The following ENPP6 variants were observed in gnomAD, a reference collection of about 807,000 sequenced individuals.
ENPP6 encodes glycerophosphocholine cholinephosphodiesterase ENPP6.
ENPP6 carries 32 observed loss-of-function variants against 42.0 expected under a neutral mutation model. The observed-to-expected ratio is 0.76, with a 90% confidence interval of 0.58 to 1.02. The LOEUF (loss-of-function observed/expected upper bound fraction) is 1.02, where lower values mean the gene tolerates loss of function less well. Among genes scored for constraint, ENPP6 ranks in the 50% least tolerant of loss-of-function variants. ENPP6 has a pLI of 0.00. For missense variants in ENPP6, 552 were observed against 566.8 expected, an observed-to-expected ratio of 0.97 and a Z score of 0.27; for synonymous variants, 213 against 216.0, an observed-to-expected ratio of 0.99 and a Z score of 0.12.
chr4:184,174,286 C>T (rs1258203506), intron 1 of ENPP6, among the ~76,000 whole-genome samples: 4 of 151,760 alleles, frequency 2.6e-5, no homozygotes, highest in Non-Finnish European at 4.4e-5. Flanking sequence ...TACAGGTGCC[C>T]GCCACCACGC....
intron 1 of ENPP6, among the ~76,000 whole-genome samples, chr4:184,212,388 A>C (rs1733126122): frequency 6.7e-6 from 1 of 149,756 alleles, no homozygotes; most frequent in South Asian, 2.1e-4. Context: ...AACTTCAGCA[A>C]AGTCTCAGGA....
intron 2 of ENPP6, among the ~76,000 whole-genome samples, chr4:184,125,124 A>T (rs1442439430): frequency 6.6e-6 from 1 of 152,090 alleles, no homozygotes; most frequent in Admixed American, 6.5e-5. Flanking sequence ...GTGGGAGGGG[A>T]CACAGGAAAG....
intron 2 of ENPP6, among the ~76,000 whole-genome samples, chr4:184,152,325 T>C (rs1737065437): frequency 6.6e-6 from 1 of 152,158 alleles, no homozygotes; most frequent in Non-Finnish European, 1.5e-5. Context: ...AAACTCCTGC[T>C]GAAGGCCCAC....
chr4:184,133,459 A>G (rs1451688134), intron 2 of ENPP6, among the ~76,000 whole-genome samples: 1 of 152,200 alleles, frequency 6.6e-6, no homozygotes, highest in Non-Finnish European at 1.5e-5. Flanking sequence ...TAATTTTTAA[A>G]TTTTGAATTT....
chr4:184,166,268 G>T (rs1230503953), intron 1 of ENPP6, among the ~76,000 whole-genome samples: 3 of 152,282 alleles, frequency 2.0e-5, no homozygotes, highest in African/African-American at 7.2e-5. Flanking sequence ...ATATTGTAAG[G>T]CTGAGATAAT....
At chr4:184,161,985 T>C (rs1465368327) in intron 1 of ENPP6, among the ~76,000 whole-genome samples, 1 of 152,084 alleles carries the variant, frequency 6.6e-6, no homozygotes, top group Non-Finnish European at 1.5e-5. Context: ...ACTAAAGAAC[T>C]TACTTATGTA....
intron 1 of ENPP6, among the ~76,000 whole-genome samples, chr4:184,198,950 T>C (rs1182432966): frequency 6.6e-6 from 1 of 152,222 alleles, no homozygotes; most frequent in Non-Finnish European, 1.5e-5. Flanking sequence ...AAGTACCCTA[T>C]GCTGGGGCCC....
chr4:184,132,842 T>C (rs1380428179), intron 2 of ENPP6, among the ~76,000 whole-genome samples: 4,756 of 28,120 alleles, frequency 0.17, 252 homozygotes, highest in African/African-American at 0.34. Flanking sequence ...CACATATATA[T>C]ATATATATAT....
intron 2 of ENPP6, among the ~76,000 whole-genome samples, chr4:184,140,381 A>G (rs1736799701): frequency 6.6e-6 from 1 of 152,166 alleles, no homozygotes; most frequent in Non-Finnish European, 1.5e-5. Context: ...CATAATTGGA[A>G]AAAACTACTT....
At chr4:184,201,661 G>T (rs1466563894) in intron 1 of ENPP6, among the ~76,000 whole-genome samples, 1 of 152,190 alleles carries the variant, frequency 6.6e-6, no homozygotes. Context: ...TGACACTTCA[G>T]TGCAGAGAGG....
chr4:184,111,005 CA>C (rs1736188245), intron 6 of ENPP6, among the ~76,000 whole-genome samples: 1 of 152,236 alleles, frequency 6.6e-6, no homozygotes, highest in South Asian at 2.1e-4. Context: ...GCACCTGTCA[CA>C]TCCTACTGCA....
At chr4:184,171,694 C>T (rs937433912) in intron 1 of ENPP6, among the ~76,000 whole-genome samples, 1 of 152,204 alleles carries the variant, frequency 6.6e-6, no homozygotes, top group African/African-American at 2.4e-5. Flanking sequence ...TTTAGCTCCA[C>T]TTCTTGCCTT....
At chr4:184,194,540 A>G (rs922875590) in intron 1 of ENPP6, among the ~76,000 whole-genome samples, 1 of 152,244 alleles carries the variant, frequency 6.6e-6, no homozygotes, top group South Asian at 2.1e-4. Flanking sequence ...AAGAATTTCA[A>G]AACAGTGACA....
intron 1 of ENPP6, among the ~76,000 whole-genome samples, chr4:184,208,026 A>G (rs1246719489): frequency 1.0e-5 from 1 of 100,348 alleles, no homozygotes; most frequent in African/African-American, 3.4e-5. Flanking sequence ...GGTCACCTTT[A>G]AAGACCTTAT....
At chr4:184,200,573 C>G (rs550083790) in intron 1 of ENPP6, among the ~76,000 whole-genome samples, 369 of 152,348 alleles carry the variant, frequency 2.4e-3, no homozygotes, top group South Asian at 6.8e-3. Context: ...GTCTGGTCTT[C>G]TCACGCTAAA....
chr4:184,152,211 C>T (rs1579637525), intron 2 of ENPP6, among the ~76,000 whole-genome samples: 1 of 152,292 alleles, frequency 6.6e-6, no homozygotes, highest in African/African-American at 2.4e-5. Context: ...GGTGGGCTGC[C>T]CTCCGCGGTC....
At position 184,117,800 on chromosome 4, in the gene ENPP6, C is replaced by A. The variant is rs1300734181; in HGVS notation, c.634G>T (p.Ala212Ser). The change falls in exon 4 of 8, where the codon GCT (alanine) becomes TCT (serine). Residue 212 changes from alanine to serine, a missense_variant. Ala to Ser is a moderately conservative substitution (Grantham distance 99). Around this residue, in one of 2 missense-constraint regions of ENPP6, gnomAD observed 545 missense variants for 546.3 expected, o/e 1.00. Transcript: ENST00000296741. ...ATGTACTTCAGGACAGTGTCTACAG[C>A]CTTGAGGGCATCTTTCCTCTGCGGA... Reference protein sequence around the residue: ...ASPQRKDALKAVDTVLKYMTK... With the variant: ...ASPQRKDALKSVDTVLKYMTK... 2 of 1,614,238 alleles carry A rather than the reference C, an allele frequency of 1.2e-6. No individual in the cohort carries two copies. The highest frequency in any genetic ancestry group is 1.7e-6 in the Non-Finnish European group (2 of 1,180,048).
chr4:184,156,887 A>G (rs989981400), intron 1 of ENPP6, among the ~76,000 whole-genome samples: 8 of 152,242 alleles, frequency 5.3e-5, no homozygotes, highest in Non-Finnish European at 1.2e-4. Flanking sequence ...ACCATGTTAT[A>G]TGTTTCATCT....
At chr4:184,154,994 T>C (rs7661973) in intron 1 of ENPP6, among the ~76,000 whole-genome samples, 130,143 of 152,006 alleles carry the variant, frequency 0.86, 55,770 homozygotes, top group East Asian at 0.95. Context: ...TGAATAAATG[T>C]CATGCCCATC....
Sources: allele counts gnomAD v4.1 joint callset (sites outside exome capture counted in the v4.1 genomes callset), GRCh38; gene constraint gnomAD v4.1.1; regional missense constraint gnomAD v4.1.1; transcripts MANE v1.5; gene names NCBI Gene and HGNC (gene_info 2026-07-23, HGNC 2026-07-21).